The following PRKAG2 variants were observed in gnomAD, a reference collection of about 807,000 sequenced individuals.
The protein encoded by PRKAG2 is protein kinase AMP-activated non-catalytic subunit gamma 2, also known as 5'-AMP-activated protein kinase subunit gamma-2.
A neutral mutation model predicts 69.6 loss-of-function variants in PRKAG2; 26 were observed. The ratio of observed to expected loss-of-function variants is 0.37; its 90% CI spans 0.27 to 0.52. The LOEUF is 0.52. PRKAG2 is among the 20% of genes least tolerant of loss of function. The pLI, the probability that PRKAG2 is intolerant of heterozygous loss-of-function variation, is 0.90. For synonymous variants in PRKAG2, 293 were observed against 285.0 expected (o/e 1.03, Z -0.28); for missense variants, 557 against 740.0 (o/e 0.75, Z 2.87).
At chr7:151,565,958 A>G in intron 11 of PRKAG2, 73 bp from the exon 12 acceptor site, 1 of 1,498,852 alleles carries the variant, frequency 6.7e-7, no homozygotes, top group Non-Finnish European at 9.3e-7. Context: ...CCAGATTTGA[A>G]TGAAAAAGTA....
chr7:151,870,614 G>A (rs890321337), intron 1 of PRKAG2, among the ~76,000 whole-genome samples: 6 of 152,302 alleles, frequency 3.9e-5, no homozygotes, highest in East Asian at 1.9e-4. Context: ...GCACTGTCAC[G>A]GTTCGATCCT....
intron 4 of PRKAG2, among the ~76,000 whole-genome samples, chr7:151,672,155 G>A (rs994139556): frequency 6.6e-6 from 1 of 150,432 alleles, no homozygotes; most frequent in African/African-American, 2.5e-5. Flanking sequence ...AGGCTGGAGT[G>A]CAGTGGCGCC....
chr7:151,656,902 C>T (rs1406220887), intron 4 of PRKAG2, among the ~76,000 whole-genome samples: 2 of 151,914 alleles, frequency 1.3e-5, no homozygotes, highest in African/African-American at 2.4e-5. Context: ...TTTGGGAGGC[C>T]GAAGCAGGTG....
chr7:151,825,462 C>T lies in PRKAG2; in HGVS notation c.115-38921G>A, dbSNP rs1486414965. 2.0e-5 allele frequency among the ~76,000 whole-genome samples: 3 copies of T among 152,124 alleles called. No homozygotes were observed. In the East Asian group the frequency reaches 5.8e-4, roughly 29 times the overall value. On this transcript the variant is annotated intron_variant, in intron 1 of 15. Transcript: ENST00000287878. ...CTTTTTGTATAATAAATGCTCCCAACCCTGACATAGAGCCAGACACCCAAC... is the reference window on the plus strand; with the variant it reads ...CTTTTTGTATAATAAATGCTCCCAATCCTGACATAGAGCCAGACACCCAAC...
In PRKAG2 at chr7:151,594,364, C is replaced by A. The variant is rs56347356; in HGVS notation, c.864+981G>T. 2.6e-5 allele frequency among the ~76,000 whole-genome samples: 4 copies of A among 152,128 alleles called. No individual in the cohort carries two copies. The East Asian group carries it at 7.7e-4, about 29-fold the overall frequency. ...GTAGAAACAATACACTAAATGTATA[C>A]GCACAGATATGTGTGTAGACACCCA... On this transcript the variant is annotated intron_variant, in intron 6 of 15. Transcript: ENST00000287878.
At position 151,568,716 on chromosome 7, in the gene PRKAG2, A is replaced by G. The variant is rs749963541; in HGVS notation, c.1233T>C (p.Phe411=). 1.2e-6 allele frequency: 2 copies of G among 1,613,744 alleles called. No homozygotes were observed. Among genetic ancestry groups the G allele is most frequent in the East Asian group, 4.5e-5 (2 of 44,824 alleles). Reference sequence around the variant, plus strand: ...TTTAGAAACGCTAAAAACTACTTACAAAAAGCTGGAGGAACTTGAGGATTC... The same window carrying G: ...TTTAGAAACGCTAAAAACTACTTACGAAAAGCTGGAGGAACTTGAGGATTC... ...HKRILKFLQL[F]MSDMPKPAFM... The change falls in exon 11 of 16, where the codon TTT becomes TTC. Residue 411 remains phenylalanine (F), a splice_region_variant and synonymous_variant. Transcript: ENST00000287878.
At chr7:151,849,239 C>T (rs546884565) in intron 1 of PRKAG2, among the ~76,000 whole-genome samples, 71 of 152,356 alleles carry the variant, frequency 4.7e-4, no homozygotes, top group Non-Finnish European at 8.7e-4. Context: ...TCCGATGCAC[C>T]GTGCTTTGGA....
chr7:151,681,013 G>C (rs1585721999), intron 3 of PRKAG2, among the ~76,000 whole-genome samples: 1 of 152,190 alleles, frequency 6.6e-6, no homozygotes, highest in East Asian at 1.9e-4. Context: ...CAAGTAAACA[G>C]TTTAAAGAGA....
At chr7:151,817,553 T>C (rs1586660922) in intron 1 of PRKAG2, among the ~76,000 whole-genome samples, 2 of 152,044 alleles carry the variant, frequency 1.3e-5, no homozygotes, top group Middle Eastern at 6.8e-3. Context: ...CTCATGACCC[T>C]TGGGCCCCGC....
At chr7:151,565,670 C>A (rs1007349434) in intron 12 of PRKAG2, 50 bp downstream of exon 12, 3 of 1,574,446 alleles carry the variant, frequency 1.9e-6, no homozygotes, top group Non-Finnish European at 2.6e-6. Context: ...ACAATAATTG[C>A]ACCCTGAGAT....
rs1474290188 is a variant in PRKAG2 at position 151,556,213 on chromosome 7, T to G, written c.*988A>C. On this transcript the variant is annotated 3_prime_UTR_variant, in exon 16 of 16. Coordinates refer to ENST00000287878, the MANE Select transcript of PRKAG2 (RefSeq NM_016203.4). The stretch of plus-strand genomic sequence containing the variant: ...AACAAACTATCCTCATATATATATA[T>G]ACAGTGTCAACATTTTCAGAGCACT... The G allele has an allele frequency of 6.6e-6, 1 of 151,004 alleles. No individual in the cohort carries two copies. The highest frequency in any genetic ancestry group is 1.5e-5 in the Non-Finnish European group (1 of 67,814). 9.4% of individuals were successfully genotyped at this position (151,004 alleles called of 1,614,324 possible).
At chr7:151,569,821 T>C (rs374640338) in intron 10 of PRKAG2, among the ~76,000 whole-genome samples, 81 of 152,292 alleles carry the variant, frequency 5.3e-4, no homozygotes, top group African/African-American at 1.9e-3. Flanking sequence ...TGGAGCAGAA[T>C]TGCCAAGGGA....
At chr7:151,668,455 A>T (rs531688435) in intron 4 of PRKAG2, among the ~76,000 whole-genome samples, 1 of 152,352 alleles carries the variant, frequency 6.6e-6, no homozygotes, top group East Asian at 1.9e-4. Flanking sequence ...TAGAGAATTC[A>T]GACTATAGAA....
chr7:151,872,746 AG>A lies in PRKAG2; in HGVS notation c.114+3760del, dbSNP rs201419734. On this transcript the variant is annotated intron_variant, in intron 1 of 15. Coordinates refer to ENST00000287878, the MANE Select transcript of PRKAG2 (RefSeq NM_016203.4). ...CCTGCACTAGGCTGAGCAAGCTGCC[AG>A]GGTCTGAGAGGATTCCTTCAGGTGG... 9.7e-3 allele frequency among the ~76,000 whole-genome samples: 1,478 copies of A among 152,350 alleles called. 20 individuals are homozygous for A. Among genetic ancestry groups the A allele is most frequent in the African/African-American group, 0.034 (1,409 of 41,580 alleles).
In PRKAG2 at chr7:151,679,785, C is replaced by CTAGTGCGGTG. The variant is rs1486810311; in HGVS notation, c.467-4149_467-4148insCACCGCACTA. Among the ~76,000 whole-genome samples the CTAGTGCGGTG allele has an allele frequency of 3.8e-3, 582 of 152,188 alleles. 4 individuals are homozygous for CTAGTGCGGTG. The highest frequency in any genetic ancestry group is 0.013 in the African/African-American group (543 of 41,522). ...AGGGCATGATCAAAACTAGCCCTGGCCAGGTGCGGTGGCTCATGCCTGTAG... is the reference window on the plus strand; with the variant it reads ...AGGGCATGATCAAAACTAGCCCTGGCTAGTGCGGTGCAGGTGCGGTGGCTCATGCCTGTAG... On this transcript the variant is annotated intron_variant, in intron 3 of 15. Transcript: ENST00000287878.
intron 1 of PRKAG2, chr7:151,790,752 T>C (rs2077238530): frequency 6.6e-6 from 1 of 152,262 alleles, no homozygotes; most frequent in African/African-American, 2.4e-5. Flanking sequence ...CATTACCCTC[T>C]AACATTTGTT....
intron 5 of PRKAG2, among the ~76,000 whole-genome samples, chr7:151,598,669 CATT>C (rs966015535): frequency 3.2e-4 from 49 of 152,154 alleles, no homozygotes; most frequent in African/African-American, 1.2e-3. Context: ...TCTACTAACT[CATT>C]GTTAGCAGAC....
At chr7:151,698,642 C>G (rs575397247) in intron 3 of PRKAG2, among the ~76,000 whole-genome samples, 6 of 152,238 alleles carry the variant, frequency 3.9e-5, no homozygotes, top group African/African-American at 1.4e-4. Context: ...TTCCTGAGGC[C>G]TCGCCAGGAG....
intron 4 of PRKAG2, among the ~76,000 whole-genome samples, chr7:151,658,040 C>T (rs901988390): frequency 6.6e-6 from 1 of 151,844 alleles, no homozygotes; most frequent in Non-Finnish European, 1.5e-5. Context: ...CGCATGTAGT[C>T]CCACCTACTC....
Sources: gnomAD v4.1 joint callset for allele counts (sites outside exome capture counted in the v4.1 genomes callset) on GRCh38, gnomAD v4.1.1 for gene constraint, MANE v1.5 for transcripts, NCBI Gene and HGNC (gene_info 2026-07-23, HGNC 2026-07-21) for gene names.